Variants in AFG1L observed in about 807,000 individuals in gnomAD.
AFG1L encodes AFG1 like ATPase, also known as AFG1-like ATPase.
In AFG1L, 53 loss-of-function variants were observed where a neutral mutation model predicts 62.2. That is an observed-to-expected ratio of 0.85 (90% CI 0.68 to 1.07). AFG1L has a LOEUF of 1.07. AFG1L is among the 50% of genes least tolerant of loss of function. The pLI, the probability that AFG1L is intolerant of heterozygous loss-of-function variation, is 0.00. For missense variants in AFG1L, 555 were observed against 590.5 expected, an observed-to-expected ratio of 0.94 and a Z score of 0.62; for synonymous variants, 228 against 210.3, an observed-to-expected ratio of 1.08 and a Z score of -0.73.
rs748529696 is a variant in AFG1L, at chr6:108,476,887, G to A, written c.913G>A (p.Ala305Thr). ...TAGCACAAGTGAAGCTGATGTGGAG[G>A]CTGTCATGGATAAGTTGTTTGATGA... Reference protein sequence around the residue: ...YYLTSEADVEAVMDKLFDELA... With the variant: ...YYLTSEADVETVMDKLFDELA... The change falls in exon 9 of 13, where the codon GCT becomes ACT. Residue 305 changes from alanine (A) to threonine (T), a missense_variant. Ala to Thr is a moderately conservative substitution (Grantham distance 58). Transcript: ENST00000368977. 18 of 1,613,586 alleles carry A rather than the reference G, an allele frequency of 1.1e-5. No homozygotes were observed. Among genetic ancestry groups the A allele is most frequent in the Non-Finnish European group, 1.4e-5 (16 of 1,179,662 alleles).
intron 9 of AFG1L, 62 bp downstream of exon 9, chr6:108,476,997 G>T: frequency 1.4e-6 from 2 of 1,410,680 alleles, no homozygotes; most frequent in South Asian, 2.3e-5. Context: ...AATCTCCACT[G>T]ACCAATTAAT....
At chr6:108,306,674 G>A (rs1777209018) in intron 1 of AFG1L, among the ~76,000 whole-genome samples, 1 of 152,134 alleles carries the variant, frequency 6.6e-6, no homozygotes, top group Non-Finnish European at 1.5e-5. Context: ...TGGGATGTAT[G>A]CTAAATGTCT....
intron 7 of AFG1L, among the ~76,000 whole-genome samples, chr6:108,409,744 GA>G (rs1193733105): frequency 2.6e-5 from 4 of 152,050 alleles, no homozygotes; most frequent in Middle Eastern, 3.2e-3. Context: ...CAACACTGCT[GA>G]AAATAAAATC....
Position 108,484,896 on chromosome 6 carries a change from G to A in AFG1L, c.1062+7604G>A, listed in dbSNP as rs142880717. ...TTGTTGATTGATTATATCTTCCAAA[G>A]AAATCACTGTATATCAGGTTAAAAG... On this transcript the variant is annotated intron_variant, in intron 10 of 12. Coordinates refer to ENST00000368977, the MANE Select transcript of AFG1L (RefSeq NM_145315.5). Among the ~76,000 whole-genome samples, 235 of 152,188 alleles carry A rather than the reference G, an allele frequency of 1.5e-3. 6 individuals carry two copies. Among genetic ancestry groups the A allele is most frequent in the East Asian group, 0.012 (64 of 5,186 alleles).
intron 2 of AFG1L, among the ~76,000 whole-genome samples, chr6:108,326,309 C>T (rs1209342130): frequency 6.6e-6 from 1 of 152,144 alleles, no homozygotes; most frequent in African/African-American, 2.4e-5. Context: ...TGGTCTTAAG[C>T]AATCCTCCTG....
rs1250339029 is a variant in AFG1L at position 108,299,464 on chromosome 6, A to T, written c.139+4246A>T. Among the ~76,000 whole-genome samples, 3 of 152,188 alleles carry T rather than the reference A, an allele frequency of 2.0e-5. No homozygotes were observed. In the East Asian group the frequency reaches 5.8e-4, roughly 29 times the overall value. ...AAGAAACAAAACAAAAATGAAACTA[A>T]ATGATAGGGCCAAAGGATTTTAGAG... On this transcript the variant is annotated intron_variant, in intron 1 of 12. Transcript: ENST00000368977.
chr6:108,524,371 T>C lies in AFG1L; in HGVS notation c.*1946T>C, dbSNP rs1775244433. On this transcript the variant is annotated 3_prime_UTR_variant, in exon 13 of 13. Coordinates refer to ENST00000368977, the MANE Select transcript of AFG1L (RefSeq NM_145315.5). ...ACCGATAGACAGACCTGTCCCTGAG[T>C]GTGAGTGTATGTAGAAGAGTCCCCC... The C allele has an allele frequency of 6.6e-6, 1 of 152,084 alleles. No homozygotes were observed. The highest frequency in any genetic ancestry group is 2.4e-5 in the African/African-American group (1 of 41,470). 9.4% of individuals were successfully genotyped at this position (152,084 alleles called of 1,614,324 possible). A position where few individuals can be genotyped will look rare whatever the true frequency, so the allele number is the denominator to read the frequency against.
At chr6:108,428,432 T>G (rs1432868579) in intron 7 of AFG1L, among the ~76,000 whole-genome samples, 1 of 152,210 alleles carries the variant, frequency 6.6e-6, no homozygotes, top group African/African-American at 2.4e-5. Flanking sequence ...GGTGTCTTTT[T>G]GATGTAATGG....
intron 4 of AFG1L, 74 bp downstream of exon 4, chr6:108,355,829 C>T (rs995248997): frequency 1.0e-6 from 1 of 961,884 alleles, no homozygotes; most frequent in Middle Eastern, 2.1e-4. Context: ...ATTGAATGAA[C>T]ATATACTCTT....
At chr6:108,396,408 T>TATA (rs1257336341) in intron 6 of AFG1L, among the ~76,000 whole-genome samples, 1 of 152,208 alleles carries the variant, frequency 6.6e-6, no homozygotes, top group Non-Finnish European at 1.5e-5. Flanking sequence ...ATAATTGCAT[T>TATA]ATATTTACAG....
intron 10 of AFG1L, among the ~76,000 whole-genome samples, chr6:108,497,208 G>A (rs959363221): frequency 6.6e-6 from 1 of 152,082 alleles, no homozygotes; most frequent in African/African-American, 2.4e-5. Context: ...TTCCAGCAGC[G>A]ATGGATGCTG....
At chr6:108,354,846 A>G (rs1483338580) in intron 3 of AFG1L, among the ~76,000 whole-genome samples, 1 of 152,190 alleles carries the variant, frequency 6.6e-6, no homozygotes, top group Non-Finnish European at 1.5e-5. Context: ...GAGTAACTGA[A>G]TTCTCAGATA....
intron 8 of AFG1L, among the ~76,000 whole-genome samples, chr6:108,448,076 G>T (rs1428785354): frequency 1.3e-5 from 2 of 152,118 alleles, no homozygotes; most frequent in South Asian, 2.1e-4. Flanking sequence ...TCTTGTCTCT[G>T]CCACCTTGTA....
intron 6 of AFG1L, among the ~76,000 whole-genome samples, chr6:108,371,485 A>G (rs1780003525): frequency 6.6e-6 from 1 of 151,822 alleles, no homozygotes; most frequent in South Asian, 2.1e-4. Context: ...CCTGAGCCCA[A>G]GTGATCCTTC....
At chr6:108,509,208 A>G (rs1774537744) in intron 10 of AFG1L, among the ~76,000 whole-genome samples, 1 of 152,178 alleles carries the variant, frequency 6.6e-6, no homozygotes, top group Admixed American at 6.5e-5. Context: ...TGTTTCAGAA[A>G]CAAGCACTTT....
At chr6:108,402,679 G>T (rs1781685931) in intron 7 of AFG1L, among the ~76,000 whole-genome samples, 1 of 151,670 alleles carries the variant, frequency 6.6e-6, no homozygotes, top group East Asian at 1.9e-4. Context: ...TTAAATTGAG[G>T]TATGCTCATA....
intron 7 of AFG1L, among the ~76,000 whole-genome samples, chr6:108,411,645 G>C (rs919834303): frequency 3.3e-5 from 5 of 152,192 alleles, no homozygotes; most frequent in African/African-American, 4.8e-5. Context: ...AGGCAAACAG[G>C]GTCTGGAGTG....
rs1771850361 is a variant in AFG1L at position 108,447,279 on chromosome 6, A to G, written c.873A>G (p.Ala291=). ...ACCGGAAAAGGGAACTTCCTGCTGC[A>G]GGAAAACTCTACTACCTGTAAGTGT... is the stretch of plus-strand genomic sequence containing the variant. ...IDYRKRELPA[A]GKLYYLTSEA... is the part of the protein sequence containing the mutation. The change falls in exon 8 of 13, where the codon GCA becomes GCG. Residue 291 remains alanine (A), a synonymous_variant. Coordinates refer to ENST00000368977, the MANE Select transcript of AFG1L (RefSeq NM_145315.5). The G allele has an allele frequency of 6.9e-6, 11 of 1,600,860 alleles. No individual in the cohort carries two copies. Among genetic ancestry groups the G allele is most frequent in the African/African-American group, 1.3e-5 (1 of 74,686 alleles).
At chr6:108,469,772 CAGG>C (rs758842418) in intron 8 of AFG1L, among the ~76,000 whole-genome samples, 2 of 152,102 alleles carry the variant, frequency 1.3e-5, no homozygotes, top group Non-Finnish European at 1.5e-5. Context: ...GTTATTTGCA[CAGG>C]AGGAGTATGT....
Sources: gnomAD v4.1 joint callset for allele counts (sites outside exome capture counted in the v4.1 genomes callset) on GRCh38, gnomAD v4.1.1 for gene constraint, MANE v1.5 for transcripts, NCBI Gene and HGNC (gene_info 2026-07-23, HGNC 2026-07-21) for gene names.